THNSL2: variants seen among roughly 807,000 people sequenced by gnomAD.
THNSL2 encodes the protein threonine synthase like 2.
A neutral mutation model predicts 40.0 loss-of-function variants in THNSL2; 34 were observed. That is an observed-to-expected ratio of 0.85 (90% CI 0.65 to 1.13). The LOEUF (loss-of-function observed/expected upper bound fraction) is 1.13. Ranked by LOEUF, THNSL2 falls within the 50% of genes most tolerant of loss-of-function variation. THNSL2 has a pLI of 0.00. For missense variants in THNSL2, 537 were observed against 608.8 expected (o/e 0.88, Z 1.24); for synonymous variants, 241 against 247.5 (o/e 0.97, Z 0.25).
rs758947055 is a variant in THNSL2 at position 88,173,129 on chromosome 2, C to A, written c.-12-10C>A. On this transcript the variant is annotated splice_polypyrimidine_tract_variant and intron_variant, in intron 1 of 8. Transcript: ENST00000674334. ...GAGACCAGGTGCTTCTGGGACTGTCCTCTCTGCAGGCCTCCAGGATCATGT... is the reference window on the plus strand; with the variant it reads ...GAGACCAGGTGCTTCTGGGACTGTCATCTCTGCAGGCCTCCAGGATCATGT... 4 of 1,496,876 alleles carry A rather than the reference C, an allele frequency of 2.7e-6. No individual in the cohort carries two copies. Among genetic ancestry groups the A allele is most frequent in the Non-Finnish European group, 3.6e-6 (4 of 1,119,010 alleles). 92.7% of individuals were successfully genotyped at this position (1,496,876 alleles called of 1,614,324 possible).
chr2:88,179,346 G>A (rs1418827416), intron 5 of THNSL2, among the ~76,000 whole-genome samples: 2 of 152,242 alleles, frequency 1.3e-5, no homozygotes, highest in Non-Finnish European at 2.9e-5. Flanking sequence ...AATCAGAAAT[G>A]TGGACTTTGC....
intron 5 of THNSL2, among the ~76,000 whole-genome samples, chr2:88,179,586 G>A (rs1017498816): frequency 2.0e-5 from 3 of 152,208 alleles, no homozygotes; most frequent in African/African-American, 7.2e-5. Flanking sequence ...TCCCAGGACT[G>A]CCTCGATGAG....
Position 88,182,993 on chromosome 2 carries a change from G to GGT in THNSL2, c.997_998insGT (p.Asp333GlyfsTer5), listed in dbSNP as rs745742973. On this transcript the variant is annotated frameshift_variant, in exon 7 of 9. Transcript: ENST00000674334. LOFTEE classifies it high-confidence loss of function. The stretch of plus-strand genomic sequence containing the variant: ...GGTGTTCTGGCTGCTCTCTGGCTCT[G>GGT]ACAGCCAGGTGACAAGAGCCCTCAT... 6.2e-7 allele frequency: 1 copy of GGT among 1,614,122 alleles called. No homozygotes were observed. Among genetic ancestry groups the GGT allele is most frequent in the Non-Finnish European group, 8.5e-7 (1 of 1,180,030 alleles).
chr2:88,173,906 T>C (rs1403108495), intron 2 of THNSL2, among the ~76,000 whole-genome samples: 1 of 152,238 alleles, frequency 6.6e-6, no homozygotes, highest in Non-Finnish European at 1.5e-5. Flanking sequence ...TTCTGTCAGA[T>C]GTCCAGATAA....
intron 4 of THNSL2, chr2:88,176,006 G>C (rs971258155): frequency 1.3e-5 from 2 of 152,482 alleles, no homozygotes; most frequent in Admixed American, 1.3e-4. Context: ...GCTGAGATGG[G>C]AGGATCGCTT....
rs746156921 is a variant in THNSL2 at position 88,185,902 on chromosome 2, C to T, written c.1234C>T (p.Pro412Ser). The change falls in exon 9 of 9, where the codon CCC (proline) becomes TCC (serine). Residue 412 changes from proline (P) to serine (S), a missense_variant. Transcript: ENST00000674334. ...QQIDRQQPST[P>S]RCCLAPASAA... is the part of the protein sequence containing the mutation. ...CACCTGCCCCCATCCCCACAGCACT[C>T]CCCGGTGCTGCCTCGCCCCTGCCTC... 7 of 1,599,590 alleles carry T rather than the reference C, an allele frequency of 4.4e-6. No homozygotes were observed. The African/African-American group carries it at 8.0e-5, about 18-fold the overall frequency.
chr2:88,175,561 G>A (rs1676837906), intron 4 of THNSL2, 160 bp downstream of exon 4: 2 of 841,058 alleles, frequency 2.4e-6, no homozygotes, highest in Admixed American at 2.8e-5. Context: ...TCAGCTCTGG[G>A]CAGGGTTCTG....
chr2:88,183,977 G>C (rs547949705), intron 7 of THNSL2, among the ~76,000 whole-genome samples: 1 of 152,244 alleles, frequency 6.6e-6, no homozygotes, highest in African/African-American at 2.4e-5. Context: ...TTCTACATCC[G>C]AGTGTTTCCA....
At chr2:88,175,020 G>A (rs1411933938) in intron 3 of THNSL2, among the ~76,000 whole-genome samples, 187 bp downstream of exon 3, 2 of 152,178 alleles carry the variant, frequency 1.3e-5, no homozygotes, top group East Asian at 1.9e-4. Flanking sequence ...CTTTCTCAGA[G>A]TAATGTTTGA....
rs752690572 is a variant in THNSL2, at chr2:88,185,964, C to T, written c.1296C>T (p.Gly432=). ...AKFPEAVLAA[G]LTPETPAEIV... The stretch of plus-strand genomic sequence containing the variant: ...TCCCGGAAGCTGTCCTGGCTGCTGG[C>T]CTGACCCCTGAGACTCCCGCGGAGA... Residue 432 remains glycine (G), a synonymous_variant, in exon 9 of 9, where the codon GGC becomes GGT. Coordinates refer to ENST00000674334, the MANE Select transcript of THNSL2 (RefSeq NM_018271.5). 4.7e-5 allele frequency: 76 copies of T among 1,612,890 alleles called. No homozygotes were observed. The East Asian group carries it at 1.6e-3, about 34-fold the overall frequency.
Position 88,173,223 on chromosome 2 carries a change from C to T in THNSL2, c.73C>T (p.Pro25Ser), listed in dbSNP as rs1676545032. The T allele has an allele frequency of 6.2e-7, 1 of 1,610,642 alleles. No individual in the cohort carries two copies. Among genetic ancestry groups the T allele is most frequent in the African/African-American group, 1.3e-5 (1 of 74,856 alleles). The change falls in exon 2 of 9, where the codon CCT (proline) becomes TCT (serine). Residue 25 changes from proline to serine, a missense_variant. Coordinates refer to ENST00000674334, the MANE Select transcript of THNSL2 (RefSeq NM_018271.5). Reference protein sequence around the residue: ...FEGALFSGYAPDGGLFMPEEL... With the variant: ...FEGALFSGYASDGGLFMPEEL... Reference sequence around the variant, plus strand: ...GGGGGCCCTCTTCTCTGGCTATGCACCTGACGGGGGCCTCTTTATGCCTGA... The same window carrying T: ...GGGGGCCCTCTTCTCTGGCTATGCATCTGACGGGGGCCTCTTTATGCCTGA...
rs540330613 is a variant in THNSL2 at position 88,179,913 on chromosome 2, G to A, written c.802+900G>A. Among the ~76,000 whole-genome samples the A allele has an allele frequency of 1.2e-4, 18 of 152,306 alleles. No individual in the cohort carries two copies. In the South Asian group the frequency reaches 3.5e-3, roughly 30 times the overall value. On this transcript the variant is annotated intron_variant, in intron 5 of 8. Coordinates refer to ENST00000674334, the MANE Select transcript of THNSL2 (RefSeq NM_018271.5). ...GGGAATTACTGTTCCTGATAGTTCCGGCAATGGCATTGGTTCTGATGGGCA... is the reference window on the plus strand; with the variant it reads ...GGGAATTACTGTTCCTGATAGTTCCAGCAATGGCATTGGTTCTGATGGGCA...
At chr2:88,185,780 C>T (rs1678221913) in intron 8 of THNSL2, 118 bp from the exon 9 acceptor site, 1 of 1,539,818 alleles carries the variant, frequency 6.5e-7, no homozygotes, top group African/African-American at 1.4e-5. Flanking sequence ...GTGTCTCTGT[C>T]CTCCATACCC....
Position 88,186,012 on chromosome 2 carries a change from G to C in THNSL2, c.1344G>C (p.Glu448Asp). Residue 448 changes from glutamate (E) to aspartate (D), a missense_variant, in exon 9 of 9, where the codon GAG (glutamate) becomes GAC (aspartate). Glu to Asp is a conservative substitution (Grantham distance 45). Transcript: ENST00000674334. ...PAEIVALEHKETRCTLMRRGD... is the reference protein window; with the variant it reads ...PAEIVALEHKDTRCTLMRRGD... ...AGATCGTAGCCCTGGAGCACAAGGA[G>C]ACACGCTGCACCCTGATGCGGAGAG... 6.2e-7 allele frequency: 1 copy of C among 1,610,618 alleles called. No homozygotes were observed. Among genetic ancestry groups the C allele is most frequent in the Non-Finnish European group, 8.5e-7 (1 of 1,178,696 alleles).
intron 1 of THNSL2, chr2:88,171,241 C>T: frequency 8.8e-6 from 4 of 455,934 alleles, no homozygotes; most frequent in Admixed American, 2.4e-5. Flanking sequence ...GCTGAATTGG[C>T]CTGGGAATGC....
At chr2:88,175,101 TGGACCCTA>T in intron 3 of THNSL2, 140 bp from the exon 4 acceptor site, 1 of 933,340 alleles carries the variant, frequency 1.1e-6, no homozygotes. Flanking sequence ...CGTGGATCCA[TGGACCCTA>T]GGTGGAGTGC....
chr2:88,185,565 C>A lies in THNSL2; in HGVS notation c.1229+86C>A, dbSNP rs116768700. 2.1e-5 allele frequency: 32 copies of A among 1,552,050 alleles called. No individual in the cohort carries two copies. The African/African-American group carries it at 4.1e-4, about 20-fold the overall frequency. On this transcript the variant is annotated intron_variant, in intron 8 of 8. Coordinates refer to ENST00000674334, the MANE Select transcript of THNSL2 (RefSeq NM_018271.5). ...TCTCCAAGCAGTGGGAGAGACAGGA[C>A]TACGAAAAAATGGCTGTAATGGAGT...
chr2:88,171,806 A>C (rs1676405026), intron 1 of THNSL2: 1 of 154,482 alleles, frequency 6.5e-6, no homozygotes, highest in African/African-American at 2.4e-5. Context: ...TGCCAGAGAG[A>C]GAGTTCTGGC....
rs1182120984 is a variant in THNSL2 at position 88,182,719 on chromosome 2, A to T, written c.823A>T (p.Ile275Leu). The T allele has an allele frequency of 1.2e-6, 2 of 1,613,300 alleles. No individual in the cohort carries two copies. Among genetic ancestry groups the T allele is most frequent in the East Asian group, 4.5e-5 (2 of 44,868 alleles). The change falls in exon 6 of 9, where the codon ATA (isoleucine) becomes TTA (leucine). Residue 275 changes from isoleucine (I) to leucine (L), a missense_variant. By Grantham distance (5) the Ile-to-Leu change is conservative. Transcript: ENST00000674334. ...NLAAGYIAQK[I>L]GLPIRLVVAV... ...TTAAGCTGGGTACATTGCTCAAAAG[A>T]TAGGCCTGCCCATCCGTCTGGTCGT...
Sources: allele counts gnomAD v4.1 joint callset (sites outside exome capture counted in the v4.1 genomes callset), GRCh38; gene constraint gnomAD v4.1.1; transcripts MANE v1.5; gene names NCBI Gene and HGNC (gene_info 2026-07-23, HGNC 2026-07-21).